ABHD2: variants seen among roughly 807,000 people sequenced by gnomAD.
The protein encoded by ABHD2 is abhydrolase domain containing 2, acylglycerol lipase, also known as monoacylglycerol lipase ABHD2.
A neutral mutation model predicts 48.1 loss-of-function variants in ABHD2; 20 were observed. The ratio of observed to expected loss-of-function variants is 0.42; its 90% CI spans 0.29 to 0.60. ABHD2 has a LOEUF of 0.60. Ranked by LOEUF, ABHD2 falls within the 20% of genes least tolerant of loss-of-function variation. The probability of loss-of-function intolerance (pLI) is 0.24; values close to 1 mark genes in which losing one functional copy is unlikely to be tolerated. For missense variants in ABHD2, 405 were observed against 550.9 expected, an observed-to-expected ratio of 0.74 and a Z score of 2.65; for synonymous variants, 209 against 214.2, an observed-to-expected ratio of 0.98 and a Z score of 0.21.
Position 89,201,235 on chromosome 15 carries a change from G to A in ABHD2, c.*5812G>A, listed in dbSNP as rs2051462507. On this transcript the variant is annotated 3_prime_UTR_variant, in exon 11 of 11. Coordinates refer to ENST00000352732, the MANE Select transcript of ABHD2 (RefSeq NM_152924.5). Reference sequence around the variant, plus strand: ...TGAGCCTTAAACCTTCATCTCTCAGGTGTTGATTTGCTTCTGATAGCTTCA... The same window carrying A: ...TGAGCCTTAAACCTTCATCTCTCAGATGTTGATTTGCTTCTGATAGCTTCA... The A allele has an allele frequency of 7.2e-7, 1 of 1,381,180 alleles. No homozygotes were observed. The highest frequency in any genetic ancestry group is 1.4e-5 in the African/African-American group (1 of 69,006). 85.6% of individuals were successfully genotyped at this position (1,381,180 alleles called of 1,614,324 possible).
At chr15:89,130,130 T>C (rs2050196357) in intron 3 of ABHD2, among the ~76,000 whole-genome samples, 2 of 152,254 alleles carry the variant, frequency 1.3e-5, no homozygotes. Flanking sequence ...TATGGCAATA[T>C]TGTCAAAATT....
the ABHD2 span, among the ~76,000 whole-genome samples, chr15:89,047,972 C>T: frequency 6.6e-6 from 1 of 150,600 alleles, no homozygotes; most frequent in African/African-American, 2.5e-5. Flanking sequence ...CTCGATAGTT[C>T]ATGCAGTTTC....
rs1398224286 is a variant in ABHD2, at chr15:89,092,053, T to C, written c.-107+3490T>C. 1.3e-5 allele frequency among the ~76,000 whole-genome samples: 2 copies of C among 152,246 alleles called. No homozygotes were observed. Among genetic ancestry groups the C allele is most frequent in the Non-Finnish European group, 2.9e-5 (2 of 68,044 alleles). On this transcript the variant is annotated intron_variant, in intron 1 of 10. Transcript: ENST00000352732. This position sits in a 1 kb window ranked among gnomAD's most constrained non-coding sequence, Gnocchi z 4.4. ...ACCATACAGATGCTACATTATCTCC[T>C]TTCAGGATTTTCATATCTGCAGATT...
At chr15:89,145,550 C>T (rs2050477162) in intron 3 of ABHD2, among the ~76,000 whole-genome samples, 1 of 152,166 alleles carries the variant, frequency 6.6e-6, no homozygotes. Flanking sequence ...GTAAAGAAGC[C>T]TCTTGAATCA....
intron 1 of ABHD2, chr15:89,103,754 C>T (rs114403485): frequency 1.3e-5 from 2 of 152,212 alleles, no homozygotes; most frequent in Non-Finnish European, 2.9e-5. Context: ...TGGGTTGTGA[C>T]CTACAAGTTG....
the ABHD2 span, among the ~76,000 whole-genome samples, chr15:89,055,614 C>T: frequency 6.5e-4 from 99 of 151,454 alleles, 1 homozygote; most frequent in South Asian, 0.01. Context: ...GGATTACAGC[C>T]TACTAGTTTA....
the ABHD2 span, among the ~76,000 whole-genome samples, chr15:89,066,884 G>T: frequency 1.3e-5 from 2 of 152,230 alleles, no homozygotes; most frequent in Non-Finnish European, 2.9e-5. Context: ...TGTGTTAGTC[G>T]TCCTTTCTCC....
the ABHD2 span, among the ~76,000 whole-genome samples, chr15:89,045,304 G>A: frequency 6.6e-6 from 1 of 152,044 alleles, no homozygotes; most frequent in African/African-American, 2.4e-5. Flanking sequence ...TTTGGTTACT[G>A]TAGCCTTGTA....
chr15:89,063,256 C>G, the ABHD2 span, among the ~76,000 whole-genome samples: 1 of 151,364 alleles, frequency 6.6e-6, no homozygotes, highest in Admixed American at 6.6e-5. Context: ...GTGTGAGCCA[C>G]TACGCCCGGC....
intron 3 of ABHD2, among the ~76,000 whole-genome samples, chr15:89,129,653 A>G (rs2050188929): frequency 6.6e-6 from 1 of 152,208 alleles, no homozygotes; most frequent in Non-Finnish European, 1.5e-5. Flanking sequence ...TCCAGAGTCC[A>G]GATCAGCAGT....
At chr15:89,123,099 T>C (rs1031132476) in intron 3 of ABHD2, among the ~76,000 whole-genome samples, 1 of 152,222 alleles carries the variant, frequency 6.6e-6, no homozygotes, top group Non-Finnish European at 1.5e-5. Flanking sequence ...TCTGTGGATT[T>C]GAGAGACACC....
upstream of ABHD2, chr15:89,087,932 A>C (rs976569242): frequency 7.2e-5 from 11 of 152,100 alleles, no homozygotes; most frequent in African/African-American, 2.4e-4. This position sits in a 1 kb window ranked among gnomAD's most constrained non-coding sequence, Gnocchi z 5.5. Flanking sequence ...TATGACCTCA[A>C]ATTTCACCCC....
intron 6 of ABHD2, among the ~76,000 whole-genome samples, chr15:89,180,398 A>G (rs2150935303): frequency 6.6e-6 from 1 of 152,030 alleles, no homozygotes; most frequent in Non-Finnish European, 1.5e-5. Flanking sequence ...GGCCATCCCT[A>G]CTCTAGTCTG....
At chr15:89,046,295 T>C in the ABHD2 span, among the ~76,000 whole-genome samples, 38 of 152,360 alleles carry the variant, frequency 2.5e-4, no homozygotes, top group African/African-American at 8.9e-4. Context: ...TGGATTTGGT[T>C]TGCCAGTATT....
rs112029649 is a variant in ABHD2 at position 89,156,895 on chromosome 15, T to C, written c.538+1361T>C. On this transcript the variant is annotated intron_variant, in intron 5 of 10. Coordinates refer to ENST00000352732, the MANE Select transcript of ABHD2 (RefSeq NM_152924.5). Reference sequence around the variant, plus strand: ...TGTTATAAGCAAATAAATTGTAATATGTTTTAATGGGAAATAACTAAAAAT... The same window carrying C: ...TGTTATAAGCAAATAAATTGTAATACGTTTTAATGGGAAATAACTAAAAAT... Among the ~76,000 whole-genome samples, 754 of 152,366 alleles carry C rather than the reference T, an allele frequency of 4.9e-3. 7 individuals are homozygous for C. The highest frequency in any genetic ancestry group is 0.017 in the African/African-American group (712 of 41,590).
At chr15:89,193,202 G>T (rs1169394245) in intron 9 of ABHD2, 33 bp from the exon 10 acceptor site, 1 of 1,601,540 alleles carries the variant, frequency 6.2e-7, no homozygotes, top group Admixed American at 1.7e-5. Flanking sequence ...ATGGGAATCA[G>T]TAGTTTAATT....
rs1172713492 is a variant in ABHD2 at position 89,201,186 on chromosome 15, G to A, written c.*5763G>A. The A allele has an allele frequency of 1.4e-6, 2 of 1,474,816 alleles. No homozygotes were observed. The highest frequency in any genetic ancestry group is 1.7e-5 in the Admixed American group (1 of 58,226). 91.4% of individuals were successfully genotyped at this position (1,474,816 alleles called of 1,614,324 possible). On this transcript the variant is annotated 3_prime_UTR_variant, in exon 11 of 11. Coordinates refer to ENST00000352732, the MANE Select transcript of ABHD2 (RefSeq NM_152924.5). ...AAGGATGCAGTTGAGGTTGATCCAG[G>A]TTTATCCGAATATGCTACCTTTCTG...
chr15:89,139,373 C>G (rs894353736), intron 3 of ABHD2, among the ~76,000 whole-genome samples: 1 of 152,110 alleles, frequency 6.6e-6, no homozygotes, highest in African/African-American at 2.4e-5. Context: ...CCCATAGTAT[C>G]ATCCTATTCT....
At position 89,195,948 on chromosome 15, in the gene ABHD2, A is replaced by G. The variant is rs2051394623; in HGVS notation, c.*525A>G. 1 of 152,568 alleles carries G rather than the reference A, an allele frequency of 6.6e-6. No homozygotes were observed. The highest frequency in any genetic ancestry group is 6.5e-5 in the Admixed American group (1 of 15,272). The allele number at this position is 152,568 out of a possible 1,614,324, so 9.5% of individuals were successfully genotyped here. A position where few individuals can be genotyped will look rare whatever the true frequency, so the allele number is the denominator to read the frequency against. On this transcript the variant is annotated 3_prime_UTR_variant, in exon 11 of 11. Coordinates refer to ENST00000352732, the MANE Select transcript of ABHD2 (RefSeq NM_152924.5). This position sits in a 1 kb window ranked among gnomAD's most constrained non-coding sequence, Gnocchi z 5.1. ...GTGTGGCTTCTTAAACGGCAAAGGAAATTCCTTTGAGTCACAAGCCAAGTT... is the reference window on the plus strand; with the variant it reads ...GTGTGGCTTCTTAAACGGCAAAGGAGATTCCTTTGAGTCACAAGCCAAGTT...
Sources: allele counts gnomAD v4.1 joint callset (sites outside exome capture counted in the v4.1 genomes callset), GRCh38; gene constraint gnomAD v4.1.1; non-coding constraint Gnocchi (gnomAD v3.1); transcripts MANE v1.5; gene names NCBI Gene and HGNC (gene_info 2026-07-23, HGNC 2026-07-21).